DOCK10: variants seen among roughly 807,000 people sequenced by gnomAD.
DOCK10 encodes dedicator of cytokinesis protein 10.
A neutral mutation model predicts 280.1 loss-of-function variants in DOCK10; 145 were observed. That is an observed-to-expected ratio of 0.52 (90% CI 0.45 to 0.59). DOCK10 has a LOEUF of 0.59. Ranked by LOEUF, DOCK10 falls within the 20% of genes least tolerant of loss-of-function variation. DOCK10 has a pLI of 0.00. For missense variants in DOCK10, 2,368 were observed against 2,651.7 expected, an observed-to-expected ratio of 0.89 and a Z score of 2.35; for synonymous variants, 915 against 942.2, an observed-to-expected ratio of 0.97 and a Z score of 0.53.
chr2:224,839,084 C>CTT (rs67901319), intron 24 of DOCK10, among the ~76,000 whole-genome samples: 14,294 of 150,196 alleles, frequency 0.095, 894 homozygotes, highest in Middle Eastern at 0.17. Flanking sequence ...GTTCATAGCA[C>CTT]TTCTTTTTTT....
Position 224,816,238 on chromosome 2 carries a change from T to A in DOCK10, c.3364+379A>T, listed in dbSNP as rs377654305. Among the ~76,000 whole-genome samples the A allele has an allele frequency of 6.0e-5, 9 of 148,882 alleles. No homozygotes were observed. The East Asian group carries it at 9.7e-4, about 16-fold the overall frequency. Reference sequence around the variant, plus strand: ...ATTTATATATATAATATTTATAAATTATATATATAGTACTTTTCCTCCCTA... The same window carrying A: ...ATTTATATATATAATATTTATAAATAATATATATAGTACTTTTCCTCCCTA... On this transcript the variant is annotated intron_variant, in intron 30 of 55. Transcript: ENST00000258390.
chr2:224,865,459 C>G (rs1697844889), intron 11 of DOCK10, among the ~76,000 whole-genome samples: 1 of 152,222 alleles, frequency 6.6e-6, no homozygotes. Context: ...TTGAACTTCA[C>G]TAGGCCAACC....
intron 1 of DOCK10, among the ~76,000 whole-genome samples, chr2:224,993,559 G>T (rs1706188443): frequency 6.6e-6 from 1 of 152,224 alleles, no homozygotes; most frequent in Admixed American, 6.5e-5. Context: ...TAAAGTGGGA[G>T]AAATCACTGG....
intron 11 of DOCK10, among the ~76,000 whole-genome samples, chr2:224,871,493 T>A (rs1317819860): frequency 6.6e-6 from 1 of 152,190 alleles, no homozygotes; most frequent in Non-Finnish European, 1.5e-5. Flanking sequence ...CAACTCTTGT[T>A]TTTAAAGTGC....
At chr2:224,974,662 A>T (rs933698453) in intron 1 of DOCK10, among the ~76,000 whole-genome samples, 1 of 150,966 alleles carries the variant, frequency 6.6e-6, no homozygotes, top group African/African-American at 2.4e-5. Context: ...TATTAGCAGT[A>T]ATTTGTTGGA....
intron 50 of DOCK10, chr2:224,784,590 C>A: frequency 2.8e-6 from 2 of 707,444 alleles, no homozygotes; most frequent in East Asian, 1.3e-4. Flanking sequence ...AGGATGACTC[C>A]AAAAATGAAT....
intron 53 of DOCK10, among the ~76,000 whole-genome samples, chr2:224,772,757 C>T (rs1323694554): frequency 1.3e-5 from 2 of 152,170 alleles, no homozygotes; most frequent in Non-Finnish European, 2.9e-5. Flanking sequence ...CATGCATGCA[C>T]CTTTTATGAA....
At chr2:224,776,766 A>G (rs1420953343) in intron 51 of DOCK10, among the ~76,000 whole-genome samples, 1 of 152,136 alleles carries the variant, frequency 6.6e-6, no homozygotes, top group Non-Finnish European at 1.5e-5. Flanking sequence ...TTCTCTAAAC[A>G]TATCTCCCTC....
intron 33 of DOCK10, 30 bp downstream of exon 33, chr2:224,807,638 A>G (rs1693485188): frequency 7.3e-7 from 1 of 1,376,766 alleles, no homozygotes. Flanking sequence ...CTTTATTAAC[A>G]TAGAAATGTG....
At chr2:224,900,274 T>C (rs914271414) in intron 3 of DOCK10, among the ~76,000 whole-genome samples, 1 of 151,758 alleles carries the variant, frequency 6.6e-6, no homozygotes, top group Non-Finnish European at 1.5e-5. Context: ...AGTATGATAC[T>C]AGTAAAAAAA....
At chr2:224,800,788 GAC>G (rs1692928765) in intron 40 of DOCK10, among the ~76,000 whole-genome samples, 1 of 152,156 alleles carries the variant, frequency 6.6e-6, no homozygotes, top group South Asian at 2.1e-4. Flanking sequence ...AATGGCCTGT[GAC>G]ACAGCCCTCA....
intron 16 of DOCK10, 34 bp downstream of exon 16, chr2:224,854,929 A>G (rs1697006460): frequency 6.5e-7 from 1 of 1,542,188 alleles, no homozygotes; most frequent in African/African-American, 1.4e-5. Context: ...AATATTCAAA[A>G]CTCTGCAACC....
intron 1 of DOCK10, among the ~76,000 whole-genome samples, chr2:224,980,169 A>G (rs1158999741): frequency 1.3e-5 from 2 of 152,176 alleles, no homozygotes; most frequent in Non-Finnish European, 2.9e-5. Context: ...GTGTCATCCA[A>G]AGTACTCCTT....
At chr2:224,873,838 A>G (rs909654731) in intron 11 of DOCK10, among the ~76,000 whole-genome samples, 158 bp downstream of exon 11, 1 of 152,180 alleles carries the variant, frequency 6.6e-6, no homozygotes, top group Admixed American at 6.5e-5. Context: ...TAGAACTTGT[A>G]CACTTGTGTA....
At position 224,852,363 on chromosome 2, in the gene DOCK10, C is replaced by T. The variant is rs889797773; in HGVS notation, c.2142+14G>A. The T allele has an allele frequency of 1.9e-6, 3 of 1,563,120 alleles. No individual in the cohort carries two copies. The South Asian group carries it at 3.5e-5, about 18-fold the overall frequency. ...TCCCACTTTATGCTGGGTCCCTTTG[C>T]TGACTTGGCTCACCTTCAGGGGCTT... On this transcript the variant is annotated intron_variant, in intron 18 of 55. Coordinates refer to ENST00000258390, the MANE Select transcript of DOCK10 (RefSeq NM_014689.3).
Position 225,042,093 on chromosome 2 carries a change from C to T in DOCK10, c.123+159G>A, listed in dbSNP as rs1690447998. 1.3e-5 allele frequency among the ~76,000 whole-genome samples: 2 copies of T among 152,194 alleles called. No individual in the cohort carries two copies. The highest frequency in any genetic ancestry group is 2.1e-4 in the South Asian group (1 of 4,836). On this transcript the variant is annotated intron_variant, in intron 1 of 55. Coordinates refer to ENST00000258390, the MANE Select transcript of DOCK10 (RefSeq NM_014689.3). This position sits in a 1 kb window ranked among gnomAD's most constrained non-coding sequence, Gnocchi z 5.1. ...CGGTGGCGCTGCCTCGCTGAGGTGG[C>T]GCCGGGGGAGCCCGCAGAGGCGGCG...
At chr2:224,782,205 G>T (rs1318464373) in intron 50 of DOCK10, among the ~76,000 whole-genome samples, 2 of 152,136 alleles carry the variant, frequency 1.3e-5, no homozygotes, top group Admixed American at 6.6e-5. Flanking sequence ...GGAGATGATG[G>T]TTTTCCATAC....
At chr2:224,944,540 T>C (rs571075057) in intron 1 of DOCK10, among the ~76,000 whole-genome samples, 3 of 152,282 alleles carry the variant, frequency 2.0e-5, no homozygotes, top group Non-Finnish European at 2.9e-5. Context: ...AGGATAGGTA[T>C]TATTATAAGC....
intron 1 of DOCK10, among the ~76,000 whole-genome samples, chr2:224,961,432 T>TTCTTTCTTTCTTTC (rs1704409456): frequency 7.9e-6 from 1 of 127,162 alleles, no homozygotes; most frequent in African/African-American, 2.8e-5. Context: ...CTTTCTTTCT[T>TTCTTTCTTTCTTTC]TCTTTCTTTC....
Sources: gnomAD v4.1 joint callset for allele counts (sites outside exome capture counted in the v4.1 genomes callset) on GRCh38, gnomAD v4.1.1 for gene constraint, Gnocchi (gnomAD v3.1) non-coding constraint, MANE v1.5 for transcripts, NCBI Gene and HGNC (gene_info 2026-07-23, HGNC 2026-07-21) for gene names.